ITK: variants seen among roughly 807,000 people sequenced by gnomAD.
ITK encodes the protein IL2 inducible T cell kinase.
Under a neutral mutation model 87.6 loss-of-function variants are expected in ITK, and 45 were observed. That is an observed-to-expected ratio of 0.51 (90% CI 0.40 to 0.66). ITK has a LOEUF of 0.66. ITK is among the 30% of genes least tolerant of loss of function. ITK has a pLI of 0.00. For synonymous variants in ITK, 303 were observed against 273.6 expected (o/e 1.11, Z -1.06); for missense variants, 605 against 766.3 (o/e 0.79, Z 2.48).
chr5:157,210,650 C>T lies in ITK; in HGVS notation c.244-637C>T, dbSNP rs539904415. Among the ~76,000 whole-genome samples, 37 of 148,698 alleles carry T rather than the reference C, an allele frequency of 2.5e-4. No homozygotes were observed. In the East Asian group the frequency reaches 7.3e-3, roughly 29 times the overall value. On this transcript the variant is annotated intron_variant, in intron 2 of 16. Transcript: ENST00000422843. ...TGCTGGTGCGCTGCACCCACTAACT[C>T]GTCATCTAGCATTGGGTATATCTCC...
chr5:157,192,007 C>T (rs1193953893), intron 1 of ITK, among the ~76,000 whole-genome samples: 1 of 152,108 alleles, frequency 6.6e-6, no homozygotes, highest in Non-Finnish European at 1.5e-5. Flanking sequence ...AAAAGCGGCA[C>T]CATGTTTGTT....
chr5:157,191,300 C>T lies in ITK; in HGVS notation c.138+10185C>T, dbSNP rs143598455. Among the ~76,000 whole-genome samples the T allele has an allele frequency of 7.4e-3, 1,119 of 152,134 alleles. 13 individuals carry two copies. Among genetic ancestry groups the T allele is most frequent in the African/African-American group, 0.021 (866 of 41,498 alleles). On this transcript the variant is annotated intron_variant, in intron 1 of 16. Coordinates refer to ENST00000422843, the MANE Select transcript of ITK (RefSeq NM_005546.4). ...TACTTTGTCCAGAATCATCTCACTC[C>T]ATGTTTTGATGGGAAAGTGCCTGGT...
At position 157,208,942 on chromosome 5, in the gene ITK, G is replaced by A; in HGVS notation, c.192G>A (p.Glu64=). ...SIELSRIKCV[E]IVKSDISIPC... Reference sequence around the variant, plus strand: ...AGCTCTCCCGAATCAAATGTGTTGAGATTGTGAAAAGTGACATCAGCATCC... The same window carrying A: ...AGCTCTCCCGAATCAAATGTGTTGAAATTGTGAAAAGTGACATCAGCATCC... Residue 64 remains glutamate (E), a synonymous_variant, in exon 2 of 17, where the codon GAG becomes GAA. Transcript: ENST00000422843. 1 of 1,614,126 alleles carries A rather than the reference G, an allele frequency of 6.2e-7. No individual in the cohort carries two copies. The highest frequency in any genetic ancestry group is 1.6e-4 in the Middle Eastern group (1 of 6,062).
intron 1 of ITK, among the ~76,000 whole-genome samples, chr5:157,201,400 G>C (rs566249619): frequency 1.0e-4 from 15 of 149,594 alleles, no homozygotes; most frequent in African/African-American, 3.7e-4. Context: ...TGGGTTCAAG[G>C]GATTCTCCTG....
intron 1 of ITK, chr5:157,195,289 G>A (rs1753831082): frequency 6.6e-6 from 1 of 152,158 alleles, no homozygotes. Context: ...CTTTCCAACT[G>A]TGTTTCAGAT....
intron 6 of ITK, among the ~76,000 whole-genome samples, chr5:157,223,458 A>G (rs35724195): frequency 0.018 from 2,742 of 152,084 alleles, 31 homozygotes; most frequent in Non-Finnish European, 0.027. Context: ...GTTAGGACGC[A>G]TCAGAAAGAA....
chr5:157,217,962 C>G, intron 5 of ITK, 55 bp downstream of exon 5: 12 of 1,476,056 alleles, frequency 8.1e-6, no homozygotes, highest in Non-Finnish European at 1.0e-5. Flanking sequence ...ACCTGATTGG[C>G]ATGTTCCTAT....
intron 16 of ITK, among the ~76,000 whole-genome samples, chr5:157,249,818 T>C (rs1404088927): frequency 1.3e-5 from 2 of 152,168 alleles, no homozygotes; most frequent in African/African-American, 4.8e-5. Flanking sequence ...AATAGAGACA[T>C]AAAGGAGGGC....
chr5:157,243,713 A>G lies in ITK; in HGVS notation c.1151A>G (p.Asn384Ser). 1 of 1,614,016 alleles carries G rather than the reference A, an allele frequency of 6.2e-7. No homozygotes were observed. Among genetic ancestry groups the G allele is most frequent in the South Asian group, 1.1e-5 (1 of 91,060 alleles). The change falls in exon 12 of 17, where the codon AAC (asparagine) becomes AGC (serine). Residue 384 changes from asparagine to serine, a missense_variant. Physicochemically the swap from Asn to Ser is conservative, Grantham distance 46. Coordinates refer to ENST00000422843, the MANE Select transcript of ITK (RefSeq NM_005546.4). ...FGLVHLGYWLNKDKVAIKTIR... is the reference protein window; with the variant it reads ...FGLVHLGYWLSKDKVAIKTIR... ...TTGGTGCATCTGGGCTACTGGCTCA[A>G]CAAGGACAAGGTGGCTATCAAAACC...
chr5:157,216,410 C>T (rs1754299533), intron 4 of ITK, among the ~76,000 whole-genome samples: 2 of 152,146 alleles, frequency 1.3e-5, no homozygotes, highest in Admixed American at 6.5e-5. Flanking sequence ...GAAAGCAGTA[C>T]AGCTGCCAAC....
intron 1 of ITK, among the ~76,000 whole-genome samples, chr5:157,202,103 T>C (rs1753988141): frequency 6.6e-6 from 1 of 152,210 alleles, no homozygotes; most frequent in Non-Finnish European, 1.5e-5. Flanking sequence ...CCTGTGTTAG[T>C]TCACTTGGGC....
intron 7 of ITK, among the ~76,000 whole-genome samples, chr5:157,230,940 T>C (rs1430822422): frequency 6.6e-6 from 1 of 152,266 alleles, no homozygotes. Flanking sequence ...CTCCAGATTA[T>C]GAATCTCAGC....
chr5:157,201,980 C>T (rs1291408572), intron 1 of ITK, among the ~76,000 whole-genome samples: 1 of 152,136 alleles, frequency 6.6e-6, no homozygotes, highest in Non-Finnish European at 1.5e-5. Flanking sequence ...ATTTTCAATT[C>T]CCACCCTCCA....
At chr5:157,190,062 T>G (rs908748611) in intron 1 of ITK, among the ~76,000 whole-genome samples, 1 of 152,192 alleles carries the variant, frequency 6.6e-6, no homozygotes, top group African/African-American at 2.4e-5. Flanking sequence ...GGATCAACAG[T>G]CTTCTCAGTT....
chr5:157,193,207 C>T (rs1580876129), intron 1 of ITK, among the ~76,000 whole-genome samples: 2 of 152,160 alleles, frequency 1.3e-5, no homozygotes, highest in African/African-American at 2.4e-5. Context: ...GGCTACAGAG[C>T]GAGACCCTAT....
At chr5:157,191,715 G>A (rs1753756496) in intron 1 of ITK, among the ~76,000 whole-genome samples, 1 of 152,086 alleles carries the variant, frequency 6.6e-6, no homozygotes, top group Admixed American at 6.6e-5. Flanking sequence ...GGTTGAGTCA[G>A]TTCATTGCAA....
intron 13 of ITK, 64 bp from the exon 14 acceptor site, chr5:157,245,662 C>T (rs1755005792): frequency 7.7e-7 from 1 of 1,306,356 alleles, no homozygotes; most frequent in African/African-American, 1.4e-5. Flanking sequence ...TAGGAGACTC[C>T]TTAACTACTG....
At chr5:157,201,318 T>TTTA (rs57489795) in intron 1 of ITK, among the ~76,000 whole-genome samples, 3 of 150,590 alleles carry the variant, frequency 2.0e-5, no homozygotes, top group Admixed American at 1.3e-4. Context: ...TTTTTTTTTT[T>TTTA]ATGGAGTCTT....
At chr5:157,188,461 A>T (rs1404300021) in intron 1 of ITK, among the ~76,000 whole-genome samples, 1 of 151,790 alleles carries the variant, frequency 6.6e-6, no homozygotes, top group Non-Finnish European at 1.5e-5. Context: ...AACCATAAGC[A>T]CTCCAAGCTC....
Sources: gnomAD v4.1 joint callset for allele counts (sites outside exome capture counted in the v4.1 genomes callset) on GRCh38, gnomAD v4.1.1 for gene constraint, MANE v1.5 for transcripts, NCBI Gene and HGNC (gene_info 2026-07-23, HGNC 2026-07-21) for gene names.